SYT1: variants seen among roughly 807,000 people sequenced by gnomAD.
SYT1 encodes the protein synaptotagmin-1.
A neutral mutation model predicts 44.8 loss-of-function variants in SYT1; 8 were observed. The ratio of observed to expected loss-of-function variants is 0.18; its 90% CI spans 0.10 to 0.32. The LOEUF (loss-of-function observed/expected upper bound fraction) is 0.32. Ranked by LOEUF, SYT1 falls within the 10% of genes least tolerant of loss-of-function variation. SYT1 has a pLI of 1.00. For synonymous variants in SYT1, 154 were observed against 188.8 expected (o/e 0.82, Z 1.51); for missense variants, 286 against 509.3 (o/e 0.56, Z 4.22).
At chr12:78,965,934 G>A (rs530884977) in intron 1 of SYT1, among the ~76,000 whole-genome samples, 79 of 151,862 alleles carry the variant, frequency 5.2e-4, no homozygotes, top group Middle Eastern at 3.4e-3. Flanking sequence ...AAAATTAGCC[G>A]GGCACGGTGG....
At chr12:79,370,104 G>T (rs951826840) in intron 9 of SYT1, among the ~76,000 whole-genome samples, 1 of 152,048 alleles carries the variant, frequency 6.6e-6, no homozygotes, top group African/African-American at 2.4e-5. Context: ...TCAAAAATGA[G>T]TCTCCGGCAA....
intron 3 of SYT1, among the ~76,000 whole-genome samples, chr12:79,065,176 CA>C (rs1365895156): frequency 6.6e-6 from 1 of 152,040 alleles, no homozygotes; most frequent in East Asian, 1.9e-4. Context: ...AGTTTGAGAT[CA>C]GCCTGGGCAA....
At chr12:79,043,372 A>G (rs1873740421) in intron 2 of SYT1, among the ~76,000 whole-genome samples, 1 of 150,592 alleles carries the variant, frequency 6.6e-6, no homozygotes, top group African/African-American at 2.5e-5. Flanking sequence ...TCCCTTTACC[A>G]TTATGTAATG....
chr12:79,208,799 A>G (rs1874271041), intron 3 of SYT1, among the ~76,000 whole-genome samples: 1 of 152,152 alleles, frequency 6.6e-6, no homozygotes, highest in Non-Finnish European at 1.5e-5. Flanking sequence ...GACATTGCGG[A>G]AGAATGTTTG....
chr12:79,376,634 T>A (rs1884006270), intron 9 of SYT1, among the ~76,000 whole-genome samples: 1 of 152,200 alleles, frequency 6.6e-6, no homozygotes, highest in South Asian at 2.1e-4. Flanking sequence ...TTCAGCCTCA[T>A]TTTACCCAGC....
At position 78,941,055 on chromosome 12, in the gene SYT1, CTTTTTTTTTCTTTTT is replaced by C. The variant is rs1878328055; in HGVS notation, c.-216-36734_-216-36720del. Among the ~76,000 whole-genome samples, 12 of 86,050 alleles carry C rather than the reference CTTTTTTTTTCTTTTT, an allele frequency of 1.4e-4. 1 individual carries two copies. In the East Asian group the frequency reaches 1.4e-3, roughly 10 times the overall value. The allele number at this position is 86,050 out of a possible 152,430, so 56.5% of individuals were successfully genotyped here. ...TTTTTCTTTTCTTTACTTTTTTTTT[CTTTTTTTTTCTTTTT>C]TTTTTTTTTTTTTGAGATGGAGTCT... On this transcript the variant is annotated intron_variant, in intron 1 of 10. Coordinates refer to ENST00000261205, the MANE Select transcript of SYT1 (RefSeq NM_005639.3).
intron 2 of SYT1, among the ~76,000 whole-genome samples, chr12:79,002,286 A>G (rs1012730054): frequency 6.6e-6 from 1 of 152,108 alleles, no homozygotes; most frequent in Non-Finnish European, 1.5e-5. Flanking sequence ...CAGTCGAAAG[A>G]CTATGAAATA....
chr12:78,969,327 A>G (rs1336643268), intron 1 of SYT1, among the ~76,000 whole-genome samples: 1 of 152,206 alleles, frequency 6.6e-6, no homozygotes, highest in Non-Finnish European at 1.5e-5. Flanking sequence ...AATAAGATAA[A>G]GGTACAATGG....
chr12:79,035,202 T>C (rs1873051783), intron 2 of SYT1, among the ~76,000 whole-genome samples: 1 of 151,718 alleles, frequency 6.6e-6, no homozygotes, highest in Non-Finnish European at 1.5e-5. Context: ...CACTGCTGGG[T>C]TTGAATATGG....
At chr12:79,332,266 C>T (rs1881888566) in intron 8 of SYT1, among the ~76,000 whole-genome samples, 1 of 152,112 alleles carries the variant, frequency 6.6e-6, no homozygotes, top group South Asian at 2.1e-4. Context: ...TATATTTTTG[C>T]ATTGTGTGAT....
intron 2 of SYT1, among the ~76,000 whole-genome samples, chr12:78,988,593 T>G (rs1315442850): frequency 6.6e-6 from 1 of 151,942 alleles, no homozygotes; most frequent in Non-Finnish European, 1.5e-5. Context: ...TTGATAATGT[T>G]TCCTGGAAGA....
chr12:78,961,065 G>A (rs1879474637), intron 1 of SYT1, among the ~76,000 whole-genome samples: 1 of 151,514 alleles, frequency 6.6e-6, no homozygotes, highest in South Asian at 2.1e-4. Context: ...GTATTTTTTT[G>A]TTGCTGTTTC....
intron 1 of SYT1, among the ~76,000 whole-genome samples, chr12:78,937,728 C>T (rs1211388199): frequency 1.3e-5 from 2 of 152,080 alleles, no homozygotes; most frequent in East Asian, 3.9e-4. Flanking sequence ...CCTTCAGAAT[C>T]TTCTCAACAA....
At chr12:79,045,466 G>T in intron 2 of SYT1, 1 of 155,008 alleles carries the variant, frequency 6.5e-6, no homozygotes, top group Non-Finnish European at 1.4e-5. Context: ...GCAATGCCTC[G>T]CCCCTGTTTC....
At chr12:78,920,516 T>C (rs989153340) in intron 1 of SYT1, among the ~76,000 whole-genome samples, 6 of 152,026 alleles carry the variant, frequency 3.9e-5, no homozygotes, top group Admixed American at 6.6e-5. Context: ...AATTCACATG[T>C]TTTAATTTCT....
intron 4 of SYT1, among the ~76,000 whole-genome samples, chr12:79,250,364 A>G (rs535501508): frequency 5.9e-5 from 9 of 152,320 alleles, no homozygotes; most frequent in African/African-American, 1.7e-4. Flanking sequence ...GTATGTAAAC[A>G]TATTCCTCCG....
At chr12:78,909,873 G>A (rs115925721) in intron 1 of SYT1, among the ~76,000 whole-genome samples, 106 of 151,978 alleles carry the variant, frequency 7.0e-4, no homozygotes, top group African/African-American at 2.5e-3. Context: ...ACCCACAACA[G>A]GTTGTTCTTT....
At chr12:79,075,262 C>T (rs11609700) in intron 3 of SYT1, among the ~76,000 whole-genome samples, 16,065 of 152,156 alleles carry the variant, frequency 0.11, 947 homozygotes, top group Non-Finnish European at 0.13. Flanking sequence ...TCTTTTTGGT[C>T]TGTGGGCCTA....
At chr12:78,956,717 T>C (rs1227778376) in intron 1 of SYT1, among the ~76,000 whole-genome samples, 5 of 152,126 alleles carry the variant, frequency 3.3e-5, no homozygotes, top group African/African-American at 1.2e-4. Context: ...AAAAAGCTTA[T>C]GGAAAATGTA....
Sources: gnomAD v4.1 joint callset for allele counts (sites outside exome capture counted in the v4.1 genomes callset) on GRCh38, gnomAD v4.1.1 for gene constraint, MANE v1.5 for transcripts, NCBI Gene and HGNC (gene_info 2026-07-23, HGNC 2026-07-21) for gene names.